ESR1: variants seen among roughly 807,000 people sequenced by gnomAD.
ESR1 encodes the protein estrogen receptor.
In ESR1, 12 loss-of-function variants were observed where a neutral mutation model predicts 52.7. The ratio of observed to expected loss-of-function variants is 0.23; its 90% CI spans 0.15 to 0.37. The LOEUF (loss-of-function observed/expected upper bound fraction) is 0.37. Ranked by LOEUF, ESR1 falls within the 10% of genes least tolerant of loss-of-function variation. The pLI is 1.00. For missense variants in ESR1, 584 were observed against 779.7 expected, an observed-to-expected ratio of 0.75 and a Z score of 2.99; for synonymous variants, 305 against 316.8, an observed-to-expected ratio of 0.96 and a Z score of 0.39.
chr6:151,935,051 G>T (rs1584326162), intron 3 of ESR1, among the ~76,000 whole-genome samples: 1 of 152,198 alleles, frequency 6.6e-6, no homozygotes, highest in East Asian at 1.9e-4. Flanking sequence ...GCCTGCCTGG[G>T]TTCAAACCCC....
chr6:151,876,204 G>A (rs144576025), intron 2 of ESR1, among the ~76,000 whole-genome samples: 1 of 152,160 alleles, frequency 6.6e-6, no homozygotes, highest in Non-Finnish European at 1.5e-5. Flanking sequence ...CAGGCTTCAC[G>A]TGCAGACATT....
chr6:152,117,868 T>TC lies in ESR1; in HGVS notation c.851-7396dup, dbSNP rs561205639. Among the ~76,000 whole-genome samples, 415 of 152,308 alleles carry TC rather than the reference T, an allele frequency of 2.7e-3. 1 individual carries two copies. The highest frequency in any genetic ancestry group is 6.9e-3 in the Admixed American group (105 of 15,286). ...GAAGCTGGGAATTGAAGAATAAAAGTCCTTCGCTTTCAGTTTCATTATCTT... is the reference window on the plus strand; with the variant it reads ...GAAGCTGGGAATTGAAGAATAAAAGTCCCTTCGCTTTCAGTTTCATTATCTT... On this transcript the variant is annotated intron_variant, in intron 6 of 6. Transcript: ENST00000427531.
intron 3 of ESR1, among the ~76,000 whole-genome samples, chr6:151,890,596 A>G (rs139887765): frequency 2.6e-4 from 40 of 152,318 alleles, no homozygotes; most frequent in African/African-American, 9.4e-4. Context: ...GAGTTCCCCA[A>G]TATTATTGTA....
chr6:152,063,780 G>C (rs1438638548), intron 6 of ESR1, among the ~76,000 whole-genome samples: 3 of 152,166 alleles, frequency 2.0e-5, no homozygotes, highest in African/African-American at 7.2e-5. Flanking sequence ...GGAAACCTGA[G>C]CTAGAAGATG....
In ESR1 at chr6:151,741,119, T is replaced by C. The variant is rs1054106282; in HGVS notation, c.-71+39114T>C. ...AGTCACTGCTGCTCCCTAGCACTCA[T>C]AGCAATGTCCATTTTCTATCCTTTG... On this transcript the variant is annotated intron_variant, in intron 2 of 2. Coordinates refer to the ESR1 transcript ENST00000404742. Among the ~76,000 whole-genome samples the C allele has an allele frequency of 3.3e-5, 5 of 152,248 alleles. No homozygotes were observed. The South Asian group carries it at 6.2e-4, about 19-fold the overall frequency.
chr6:151,826,222 TAA>T (rs1374444230), intron 1 of ESR1, among the ~76,000 whole-genome samples: 11 of 152,336 alleles, frequency 7.2e-5, no homozygotes, highest in Non-Finnish European at 1.6e-4. Context: ...CAAAAAGTTA[TAA>T]ATACCACCTA....
intron 2 of ESR1, among the ~76,000 whole-genome samples, chr6:151,774,335 T>C (rs1785773297): frequency 6.6e-6 from 1 of 152,194 alleles, no homozygotes; most frequent in Non-Finnish European, 1.5e-5. Flanking sequence ...CGGGAACAAA[T>C]GGTTGTTTTG....
intron 2 of ESR1, among the ~76,000 whole-genome samples, chr6:151,788,665 C>T (rs1473035507): frequency 1.3e-5 from 2 of 152,142 alleles, no homozygotes; most frequent in East Asian, 3.9e-4. Context: ...ATGTTCATTG[C>T]AGCACTATTC....
At chr6:151,966,592 T>A (rs1484615423) in intron 4 of ESR1, among the ~76,000 whole-genome samples, 1 of 152,238 alleles carries the variant, frequency 6.6e-6, no homozygotes, top group Non-Finnish European at 1.5e-5. Flanking sequence ...TGTTTAGAAT[T>A]CTCTTACACG....
chr6:152,022,901 T>C (rs997837084), intron 5 of ESR1, among the ~76,000 whole-genome samples: 7 of 150,570 alleles, frequency 4.6e-5, no homozygotes, highest in Non-Finnish European at 8.9e-5. Context: ...CACTTGAACC[T>C]GGGAGGCAGA....
chr6:151,788,344 A>G (rs1787215031), intron 2 of ESR1, among the ~76,000 whole-genome samples: 1 of 152,252 alleles, frequency 6.6e-6, no homozygotes, highest in Admixed American at 6.5e-5. Flanking sequence ...CAACAAGCAT[A>G]TGAAAAAAGC....
rs182074351 is a variant in ESR1 at position 151,722,184 on chromosome 6, C to T, written c.-71+20179C>T. ...GGGATCAGTCCTTTTGGAGTGAGCA[C>T]GGAATATTCAGGTGCCTGGGAGGAG... On this transcript the variant is annotated intron_variant, in intron 2 of 2. Transcript: ENST00000404742. 1.1e-4 allele frequency among the ~76,000 whole-genome samples: 16 copies of T among 152,246 alleles called. No individual in the cohort carries two copies. In the East Asian group the frequency reaches 2.5e-3, roughly 24 times the overall value.
chr6:151,740,674 A>G (rs892125493), intron 2 of ESR1, among the ~76,000 whole-genome samples: 5 of 152,034 alleles, frequency 3.3e-5, no homozygotes, highest in Non-Finnish European at 5.9e-5. Flanking sequence ...AAATATTTTC[A>G]GAACTTGTTT....
chr6:152,014,357 G>A (rs2043005625), intron 5 of ESR1, among the ~76,000 whole-genome samples: 1 of 152,046 alleles, frequency 6.6e-6, no homozygotes, highest in Non-Finnish European at 1.5e-5. Context: ...AACTAACAAT[G>A]TCTCCGGACA....
intron 5 of ESR1, among the ~76,000 whole-genome samples, chr6:152,041,616 T>C (rs1301167557): frequency 1.3e-5 from 2 of 152,208 alleles, no homozygotes; most frequent in African/African-American, 4.8e-5. Context: ...CACCAATAAA[T>C]CCAGTATGTT....
chr6:151,857,469 A>C (rs202233191), intron 2 of ESR1, among the ~76,000 whole-genome samples: 45 of 151,408 alleles, frequency 3.0e-4, no homozygotes, highest in African/African-American at 1.0e-3. Flanking sequence ...AAACACACCC[A>C]CACACACAAA....
intron 2 of ESR1, among the ~76,000 whole-genome samples, chr6:151,789,391 TA>T (rs1787316638): frequency 6.6e-6 from 1 of 152,372 alleles, no homozygotes; most frequent in African/African-American, 2.4e-5. Context: ...ATGTATTTTA[TA>T]AATGAACAAA....
chr6:151,998,349 A>G lies in ESR1; in HGVS notation c.1097-13307A>G, dbSNP rs529020106. ...ATACCAAGAGGATATTATAGTTGCC[A>G]ATAAAATCAGTATTATTTCTTTTTT... On this transcript the variant is annotated intron_variant, in intron 4 of 7. Transcript: ENST00000206249. Among the ~76,000 whole-genome samples, 3 of 151,798 alleles carry G rather than the reference A, an allele frequency of 2.0e-5. No homozygotes were observed. The East Asian group carries it at 5.9e-4, about 30-fold the overall frequency.
At chr6:151,789,319 A>G (rs2128130056) in intron 2 of ESR1, among the ~76,000 whole-genome samples, 1 of 152,180 alleles carries the variant, frequency 6.6e-6, no homozygotes, top group East Asian at 1.9e-4. Context: ...ACATTTTCAA[A>G]CCTCTTTTTA....
Sources: gnomAD v4.1 joint callset for allele counts (sites outside exome capture counted in the v4.1 genomes callset) on GRCh38, gnomAD v4.1.1 for gene constraint, MANE v1.5 for transcripts, NCBI Gene and HGNC (gene_info 2026-07-23, HGNC 2026-07-21) for gene names.